RPS6KA2: variants seen among roughly 807,000 people sequenced by gnomAD.
The protein encoded by RPS6KA2 is ribosomal protein S6 kinase alpha-2.
Under a neutral mutation model 91.8 loss-of-function variants are expected in RPS6KA2, and 42 were observed. The ratio of observed to expected loss-of-function variants is 0.46; its 90% CI spans 0.36 to 0.59. The LOEUF (loss-of-function observed/expected upper bound fraction) is 0.59. RPS6KA2 is among the 20% of genes least tolerant of loss of function. RPS6KA2 has a pLI of 0.00. For missense variants in RPS6KA2, 798 were observed against 978.5 expected (o/e 0.82, Z 2.46); for synonymous variants, 414 against 393.6 (o/e 1.05, Z -0.61).
At chr6:166,584,569 A>G (rs1253240327) in intron 1 of RPS6KA2, among the ~76,000 whole-genome samples, 1 of 152,254 alleles carries the variant, frequency 6.6e-6, no homozygotes, top group Non-Finnish European at 1.5e-5. Context: ...ACAATTAATA[A>G]ATGAAAAATG....
At chr6:166,488,003 T>C (rs1431817043) in intron 10 of RPS6KA2, among the ~76,000 whole-genome samples, 1 of 152,144 alleles carries the variant, frequency 6.6e-6, no homozygotes, top group African/African-American at 2.4e-5. Flanking sequence ...GAGAGGAAAA[T>C]CTAGTATTTT....
At chr6:166,465,917 G>A (rs1265668822) in intron 11 of RPS6KA2, among the ~76,000 whole-genome samples, 1 of 152,172 alleles carries the variant, frequency 6.6e-6, no homozygotes, top group Non-Finnish European at 1.5e-5. Context: ...TGGCATTTCT[G>A]AGCTCTTCTG....
At chr6:166,734,136 G>T (rs902028399) in intron 2 of RPS6KA2, among the ~76,000 whole-genome samples, 1 of 152,208 alleles carries the variant, frequency 6.6e-6, no homozygotes, top group Admixed American at 6.5e-5. Flanking sequence ...AGAGAGGAAA[G>T]TTAGGTATGG....
intron 2 of RPS6KA2, among the ~76,000 whole-genome samples, chr6:166,734,867 AG>A (rs1790632075): frequency 6.6e-6 from 1 of 152,220 alleles, no homozygotes; most frequent in African/African-American, 2.4e-5. Context: ...TTACCATGAC[AG>A]TGTTTTCACA....
chr6:166,809,077 T>C (rs1779567701), intron 2 of RPS6KA2, among the ~76,000 whole-genome samples: 1 of 152,082 alleles, frequency 6.6e-6, no homozygotes, highest in African/African-American at 2.4e-5. Flanking sequence ...AGACCACATA[T>C]ACACAGAAGC....
At chr6:166,763,884 T>C (rs1001719128) in intron 2 of RPS6KA2, among the ~76,000 whole-genome samples, 10 of 152,174 alleles carry the variant, frequency 6.6e-5, no homozygotes, top group Non-Finnish European at 1.3e-4. Context: ...AGCAGTCCTT[T>C]AAAGATTGTT....
In RPS6KA2 at chr6:166,424,361, G is replaced by A. The variant is rs542179408; in HGVS notation, c.1582-944C>T. 3.3e-5 allele frequency among the ~76,000 whole-genome samples: 5 copies of A among 152,336 alleles called. No homozygotes were observed. In the East Asian group the frequency reaches 9.6e-4, roughly 29 times the overall value. The stretch of plus-strand genomic sequence containing the variant: ...ATGCTCAAGACTGGGTGACCACACA[G>A]AAAAGACCCCAGTGTGTGGTCCTGG... On this transcript the variant is annotated intron_variant, in intron 16 of 20. Transcript: ENST00000265678.
At chr6:166,779,953 T>G (rs1778724516) in intron 2 of RPS6KA2, among the ~76,000 whole-genome samples, 1 of 152,134 alleles carries the variant, frequency 6.6e-6, no homozygotes, top group African/African-American at 2.4e-5. Context: ...TTTTTTGAAC[T>G]CATCCCAAGG....
chr6:166,534,221 C>CAAAAAAAAAAAAAAAAAAA (rs34585369), intron 2 of RPS6KA2, among the ~76,000 whole-genome samples: 6 of 59,356 alleles, frequency 1.0e-4, no homozygotes, highest in East Asian at 5.1e-4. Flanking sequence ...GACTCTGTCT[C>CAAAAAAAAAAAAAAAAAAA]AAAAAAAAAA....
rs1378041172 is a variant in RPS6KA2 at position 166,533,242 on chromosome 6, C to A, written c.217-1929G>T. Among the ~76,000 whole-genome samples, 2 of 152,250 alleles carry A rather than the reference C, an allele frequency of 1.3e-5. No individual in the cohort carries two copies. Among genetic ancestry groups the A allele is most frequent in the Non-Finnish European group, 2.9e-5 (2 of 68,052 alleles). On this transcript the variant is annotated intron_variant, in intron 2 of 20. Transcript: ENST00000265678. The surrounding 1 kb of genome is among the most constrained non-coding windows in gnomAD (Gnocchi z 4.0). ...CCATCTGATGCAACTCCTTTCATTT[C>A]TCCAGCCCGTCCGTGTGCCTAATGT...
At chr6:166,572,050 C>G (rs771998501) in intron 1 of RPS6KA2, among the ~76,000 whole-genome samples, 1 of 152,086 alleles carries the variant, frequency 6.6e-6, no homozygotes, top group Non-Finnish European at 1.5e-5. Context: ...TTTAATAACA[C>G]GAGAACATAC....
chr6:166,450,078 G>A (rs74488406), intron 13 of RPS6KA2, among the ~76,000 whole-genome samples: 119 of 148,502 alleles, frequency 8.0e-4, no homozygotes, highest in African/African-American at 2.8e-3. Context: ...AGACCATCAT[G>A]GGTACCACCG....
chr6:166,666,726 C>G lies in RPS6KA2; in HGVS notation c.124-127942G>C, dbSNP rs1562372445. Among the ~76,000 whole-genome samples, 1 of 152,166 alleles carries G rather than the reference C, an allele frequency of 6.6e-6. No homozygotes were observed. Among genetic ancestry groups the G allele is most frequent in the African/African-American group, 2.4e-5 (1 of 41,434 alleles). ...AGTATGGCCATTCCTCAGAAAGTTA[C>G]ACATAGAATAACCATATAATTTAGC... On this transcript the variant is annotated intron_variant, in intron 2 of 21. Transcript: ENST00000503859. This position sits in a 1 kb window ranked among gnomAD's most constrained non-coding sequence, Gnocchi z 4.0.
chr6:166,754,910 A>T (rs1219858336), intron 2 of RPS6KA2, among the ~76,000 whole-genome samples: 1 of 152,164 alleles, frequency 6.6e-6, no homozygotes, highest in African/African-American at 2.4e-5. Flanking sequence ...CACTCGTCAC[A>T]GGGTGAACTT....
chr6:166,814,826 A>T (rs1251379864), intron 2 of RPS6KA2, among the ~76,000 whole-genome samples: 1 of 152,244 alleles, frequency 6.6e-6, no homozygotes, highest in Non-Finnish European at 1.5e-5. Context: ...AGTTGCAGGA[A>T]AACAAGCTCA....
intron 2 of RPS6KA2, among the ~76,000 whole-genome samples, chr6:166,697,828 G>T (rs534912953): frequency 6.6e-6 from 1 of 152,212 alleles, no homozygotes; most frequent in East Asian, 1.9e-4. Flanking sequence ...ATGGATGGCC[G>T]TTCCCTCGAC....
intron 2 of RPS6KA2, among the ~76,000 whole-genome samples, chr6:166,743,271 C>T (rs934828605): frequency 2.0e-4 from 30 of 152,212 alleles, no homozygotes; most frequent in African/African-American, 6.3e-4. Context: ...ACTCACACTG[C>T]GGGACTTCAA....
At chr6:166,530,729 C>G (rs1368470298) in intron 3 of RPS6KA2, among the ~76,000 whole-genome samples, 3 of 152,234 alleles carry the variant, frequency 2.0e-5, no homozygotes, top group Non-Finnish European at 4.4e-5. Flanking sequence ...CATTCTGACT[C>G]TAACGCTGCA....
chr6:166,617,311 A>T (rs1253113184), intron 1 of RPS6KA2, among the ~76,000 whole-genome samples: 1 of 152,238 alleles, frequency 6.6e-6, no homozygotes, highest in Non-Finnish European at 1.5e-5. Context: ...TGTGCATTTT[A>T]AAAAATGTTG....
Sources: allele counts gnomAD v4.1 joint callset (sites outside exome capture counted in the v4.1 genomes callset), GRCh38; gene constraint gnomAD v4.1.1; non-coding constraint Gnocchi (gnomAD v3.1); transcripts MANE v1.5; gene names NCBI Gene and HGNC (gene_info 2026-07-23, HGNC 2026-07-21).